DNAH5: variants seen among roughly 807,000 people sequenced by gnomAD.
DNAH5 encodes the protein axonemal beta dynein heavy chain 5.
DNAH5 carries 372 observed loss-of-function variants against 518.2 expected under a neutral mutation model. The observed-to-expected ratio is 0.72, with a 90% CI of 0.66 to 0.78. DNAH5 has a LOEUF of 0.78. Ranked by LOEUF, DNAH5 falls within the 30% of genes least tolerant of loss-of-function variation. The pLI, the probability that DNAH5 is intolerant of heterozygous loss-of-function variation, is 0.00. For synonymous variants in DNAH5, 2,039 were observed against 2,025.9 expected, an observed-to-expected ratio of 1.01 and a Z score of -0.17; for missense variants, 5,523 against 5,687.0, an observed-to-expected ratio of 0.97 and a Z score of 0.93.
intron 1 of DNAH5, among the ~76,000 whole-genome samples, chr5:13,969,040 T>C (rs1196991921): frequency 6.6e-6 from 1 of 152,180 alleles, no homozygotes; most frequent in Non-Finnish European, 1.5e-5. Flanking sequence ...CCTGGTTTAA[T>C]CTAAAATAGT....
intron 1 of DNAH5, among the ~76,000 whole-genome samples, chr5:13,990,103 G>A (rs1783411850): frequency 6.6e-6 from 1 of 151,104 alleles, no homozygotes; most frequent in East Asian, 1.9e-4. Flanking sequence ...CAGCTTCTGT[G>A]CACTTAAATA....
intron 30 of DNAH5, among the ~76,000 whole-genome samples, chr5:13,855,095 TCTCA>T (rs1359036299): frequency 1.3e-5 from 2 of 152,164 alleles, no homozygotes; most frequent in African/African-American, 2.4e-5. Flanking sequence ...AATGCTTCTC[TCTCA>T]CTATGATGCA....
In DNAH5 at chr5:13,870,808, CCCTT is replaced by C. The variant is rs1178284616; in HGVS notation, c.3789_3792del (p.Ile1263MetfsTer11). On this transcript the variant is annotated frameshift_variant, in exon 24 of 79. Coordinates refer to ENST00000265104, the MANE Select transcript of DNAH5 (RefSeq NM_001369.3). LOFTEE classifies it high-confidence loss of function. Reference sequence around the variant, plus strand: ...TGAAAGTCAATGGAGATTTGCTCCTCCCTTATTTCTTTCAGCGCTGCCATTGCAA... The same window carrying C: ...TGAAAGTCAATGGAGATTTGCTCCTCATTTCTTTCAGCGCTGCCATTGCAA... 6.2e-7 allele frequency: 1 copy of C among 1,613,680 alleles called. No homozygotes were observed. Among genetic ancestry groups the C allele is most frequent in the Non-Finnish European group, 8.5e-7 (1 of 1,179,832 alleles).
Position 13,714,623 on chromosome 5 carries a change from G to C in DNAH5, c.12910-3C>G. ...GGGCTGTCATAGGCAGGCAAACTCT[G>C]AACAACAGACACCCCAGATAAGCAC... is the stretch of plus-strand genomic sequence containing the variant. On this transcript the variant is annotated splice_polypyrimidine_tract_variant and splice_region_variant and intron_variant, in intron 74 of 78. Coordinates refer to ENST00000265104, the MANE Select transcript of DNAH5 (RefSeq NM_001369.3). 2 of 1,613,652 alleles carry C rather than the reference G, an allele frequency of 1.2e-6. No individual in the cohort carries two copies. The highest frequency in any genetic ancestry group is 1.7e-6 in the Non-Finnish European group (2 of 1,179,928).
intron 16 of DNAH5, among the ~76,000 whole-genome samples, chr5:13,893,929 A>AC (rs1471434665): frequency 1.3e-5 from 2 of 151,810 alleles, no homozygotes; most frequent in Non-Finnish European, 2.9e-5. Context: ...AAAAAAAAAA[A>AC]AAACCATTAC....
chr5:13,713,685 G>A (rs1053652979), intron 75 of DNAH5, among the ~76,000 whole-genome samples: 1 of 148,110 alleles, frequency 6.8e-6, no homozygotes, highest in Non-Finnish European at 1.5e-5. Context: ...TTGGGGACTT[G>A]GGGGGAAGAG....
In DNAH5 at chr5:13,708,168, T is replaced by A; in HGVS notation, c.13293A>T (p.Ala4431=). The A allele has an allele frequency of 6.2e-7, 1 of 1,614,176 alleles. No homozygotes were observed. Among genetic ancestry groups the A allele is most frequent in the Non-Finnish European group, 8.5e-7 (1 of 1,180,002 alleles). The change falls in exon 76 of 79, where the codon GCA becomes GCT. Residue 4431 remains alanine, a synonymous_variant. Transcript: ENST00000265104. ...TTCTAGCATCAAACATGCAATCCAA[T>A]GCATCTCGCAGATTTTCGCTCATGA... is the stretch of plus-strand genomic sequence containing the variant. ...TIIMSENLRD[A]LDCMFDARIP... is the part of the protein sequence containing the mutation.
Position 13,855,209 on chromosome 5 carries a change from T to C in DNAH5, c.4950+4243A>G, listed in dbSNP as rs867887207. Among the ~76,000 whole-genome samples the C allele has an allele frequency of 2.5e-4, 13 of 52,128 alleles. 5 individuals carry two copies. The highest frequency in any genetic ancestry group is 5.3e-4 in the Non-Finnish European group (12 of 22,756). 34.2% of individuals were successfully genotyped at this position (52,128 alleles called of 152,430 possible). A position where few individuals can be genotyped will look rare whatever the true frequency, so the allele number is the denominator to read the frequency against. On this transcript the variant is annotated intron_variant, in intron 30 of 78. Transcript: ENST00000265104. ...ATTTTCATCATAAATCTTACATTTTTTTTTTTTTTTTTTTTTTGAGACGGA... is the reference window on the plus strand; with the variant it reads ...ATTTTCATCATAAATCTTACATTTTCTTTTTTTTTTTTTTTTTGAGACGGA...
In DNAH5 at chr5:13,810,234, A is replaced by C; in HGVS notation, c.7434T>G (p.Ala2478=). 1.3e-6 allele frequency: 2 copies of C among 1,550,598 alleles called. No homozygotes were observed. Among genetic ancestry groups the C allele is most frequent in the South Asian group, 2.4e-5 (2 of 84,104 alleles). The change falls in exon 45 of 79, where the codon GCT becomes GCG. Residue 2478 remains alanine, a synonymous_variant. Transcript: ENST00000265104. ...CGAACACGAACAGCCGCCCCAGGTG[A>C]GCCTGGCTCACCTCCCCGCCTTGCT... ...LKEQGGEVSQ[A]HLGRLFVFAL...
intron 76 of DNAH5, among the ~76,000 whole-genome samples, chr5:13,701,822 AC>A (rs1296094355): frequency 1.7e-5 from 2 of 116,490 alleles, no homozygotes; most frequent in Non-Finnish European, 4.2e-5. Flanking sequence ...TCCTTAGGTT[AC>A]AATTTCAATC....
In DNAH5 at chr5:13,732,558, G is replaced by A. The variant is rs1440356088; in HGVS notation, c.11761+2573C>T. Among the ~76,000 whole-genome samples the A allele has an allele frequency of 6.6e-5, 10 of 151,960 alleles. 1 individual carries two copies. Among genetic ancestry groups the A allele is most frequent in the African/African-American group, 1.5e-4 (6 of 41,368 alleles). ...ATTTTTTTTGTATTTTAGTAGAGACGGTGTTTCACCATGTTGGCCAGGCTG... is the reference window on the plus strand; with the variant it reads ...ATTTTTTTTGTATTTTAGTAGAGACAGTGTTTCACCATGTTGGCCAGGCTG... On this transcript the variant is annotated intron_variant, in intron 68 of 78. Transcript: ENST00000265104.
At chr5:13,990,446 G>A (rs1581126303) in intron 1 of DNAH5, among the ~76,000 whole-genome samples, 3 of 152,242 alleles carry the variant, frequency 2.0e-5, no homozygotes, top group South Asian at 2.1e-4. Context: ...CCAGCTACTC[G>A]GGAGGCTGAG....
At chr5:13,979,902 G>C (rs1462967665) in intron 1 of DNAH5, among the ~76,000 whole-genome samples, 2 of 149,884 alleles carry the variant, frequency 1.3e-5, no homozygotes, top group Non-Finnish European at 3.0e-5. Flanking sequence ...GTGCAGTGGA[G>C]CAATTTGGCT....
intron 1 of DNAH5, among the ~76,000 whole-genome samples, chr5:13,989,095 G>C (rs1316875062): frequency 2.0e-5 from 3 of 152,144 alleles, no homozygotes; most frequent in Non-Finnish European, 4.4e-5. Context: ...GTGGTAAGCA[G>C]GGTCACTGGA....
intron 31 of DNAH5, among the ~76,000 whole-genome samples, chr5:13,849,054 T>C (rs1012445193): frequency 2.6e-5 from 4 of 152,254 alleles, no homozygotes; most frequent in African/African-American, 9.6e-5. Context: ...TGGTTTTGTT[T>C]AGACTTTTTT....
chr5:13,959,840 G>A (rs1373024821), intron 1 of DNAH5, among the ~76,000 whole-genome samples: 1 of 152,122 alleles, frequency 6.6e-6, no homozygotes, highest in Admixed American at 6.5e-5. Flanking sequence ...GGTGACACAT[G>A]CCTGTGATCC....
At chr5:13,724,865 G>A (rs985072122) in intron 70 of DNAH5, among the ~76,000 whole-genome samples, 2 of 152,200 alleles carry the variant, frequency 1.3e-5, no homozygotes, top group African/African-American at 4.8e-5. Flanking sequence ...ACCAGAAGCT[G>A]AGCAGATGCC....
In DNAH5 at chr5:13,792,061, A is replaced by G. The variant is rs375870917; in HGVS notation, c.8381T>C (p.Leu2794Pro). 6.2e-7 allele frequency: 1 copy of G among 1,613,968 alleles called. No individual in the cohort carries two copies. The highest frequency in any genetic ancestry group is 8.5e-7 in the Non-Finnish European group (1 of 1,180,002). Residue 2794 changes from leucine (L) to proline (P), a missense_variant, in exon 50 of 79, where the codon CTA becomes CCA. Transcript: ENST00000265104. Reference sequence around the variant, plus strand: ...CTGCCAGACCCGAGAAAGATCTCGTAGGTTAAACACATAATGGAATTTTGC... The same window carrying G: ...CTGCCAGACCCGAGAAAGATCTCGTGGGTTAAACACATAATGGAATTTTGC... ...TPAKFHYVFN[L>P]RDLSRVWQGM...
chr5:13,900,411 A>G lies in DNAH5; in HGVS notation c.2054T>C (p.Ile685Thr), dbSNP rs1413135619. The G allele has an allele frequency of 1.2e-5, 19 of 1,613,294 alleles. No homozygotes were observed. Among genetic ancestry groups the G allele is most frequent in the African/African-American group, 4.0e-5 (3 of 74,914 alleles). ...VLFHRAWLRQ[I>T]EEIHVGLEAS... ...CTCAAGACCTACATGAATTTCTTCA[A>G]TCTGTGGGAAGAAACCAACATCATT... Residue 685 changes from isoleucine to threonine, a missense_variant and splice_region_variant, in exon 15 of 79, where the codon ATT (isoleucine) becomes ACT (threonine). This residue lies in a region of DNAH5 where 5,121 missense variants were observed against 5,223.3 expected (regional missense o/e 0.98). Coordinates refer to ENST00000265104, the MANE Select transcript of DNAH5 (RefSeq NM_001369.3).
Sources: gnomAD v4.1 joint callset for allele counts (sites outside exome capture counted in the v4.1 genomes callset) on GRCh38, gnomAD v4.1.1 for gene constraint, gnomAD v4.1.1 regional missense constraint, MANE v1.5 for transcripts, NCBI Gene and HGNC (gene_info 2026-07-23, HGNC 2026-07-21) for gene names.